Variants in MEP1B observed in about 807,000 individuals in gnomAD.
The protein encoded by MEP1B is meprin A subunit beta.
MEP1B carries 80 observed loss-of-function variants against 84.6 expected under a neutral mutation model. That is an observed-to-expected ratio of 0.95 (90% CI 0.79 to 1.14). The LOEUF (loss-of-function observed/expected upper bound fraction) is 1.14, where lower values mean the gene tolerates loss of function less well. MEP1B is among the 50% of genes most tolerant of loss of function. MEP1B has a pLI of 0.00. For missense variants in MEP1B, 766 were observed against 855.1 expected (o/e 0.90, Z 1.30); for synonymous variants, 273 against 288.1 (o/e 0.95, Z 0.53).
chr18:32,195,310 G>A, intron 4 of MEP1B, 97 bp from the exon 5 acceptor site: 1 of 735,284 alleles, frequency 1.4e-6, no homozygotes, highest in Non-Finnish European at 2.3e-6. Flanking sequence ...TGCGAACTGG[G>A]AGAGCTTTAA....
chr18:32,215,969 CATATATATATATATATATATATAT>C (rs10522884), intron 12 of MEP1B, among the ~76,000 whole-genome samples: 6,279 of 134,910 alleles, frequency 0.047, 206 homozygotes, highest in African/African-American at 0.069. Context: ...TACATATATG[CATATATATATATATATATATATAT>C]ATATATATAT....
Position 32,190,143 on chromosome 18 carries a change from C to G in MEP1B, c.63+10C>G, listed in dbSNP as rs866826136. 3.1e-6 allele frequency: 5 copies of G among 1,607,750 alleles called. No homozygotes were observed. The African/African-American group carries it at 5.4e-5, about 17-fold the overall frequency. ...CGTGATTTCTGGCTTGGTAAGGAAA[C>G]AGTATATAGAAGATAATTTAAAAAT... On this transcript the variant is annotated intron_variant, in intron 1 of 14. Coordinates refer to ENST00000269202, the MANE Select transcript of MEP1B (RefSeq NM_005925.3).
chr18:32,217,727 A>G, intron 13 of MEP1B, 34 bp from the exon 14 acceptor site: 10 of 1,554,246 alleles, frequency 6.4e-6, no homozygotes, highest in Non-Finnish European at 8.9e-6. Context: ...TTAGATATCA[A>G]CTAATAACTC....
Position 32,202,937 on chromosome 18 carries a change from C to T in MEP1B, c.295C>T (p.Arg99Cys), listed in dbSNP as rs373544871. Residue 99 changes from arginine (R) to cysteine (C), a missense_variant, in exon 6 of 15, where the codon CGC (arginine) becomes TGC (cysteine). Arg to Cys is a radical substitution (Grantham distance 180, BLOSUM62 -3). Coordinates refer to ENST00000269202, the MANE Select transcript of MEP1B (RefSeq NM_005925.3). ...TATCCTCAATGCATTTGAACGTTAT[C>T]GCCTTAAAACATGTATTGACTTTAA... Reference protein sequence around the residue: ...GVILNAFERYRLKTCIDFKPW... With the variant: ...GVILNAFERYCLKTCIDFKPW... The T allele has an allele frequency of 6.8e-6, 11 of 1,612,440 alleles. No homozygotes were observed. Among genetic ancestry groups the T allele is most frequent in the African/African-American group, 5.3e-5 (4 of 74,898 alleles).
At chr18:32,207,803 A>G (rs1474793454) in intron 8 of MEP1B, among the ~76,000 whole-genome samples, 1 of 152,246 alleles carries the variant, frequency 6.6e-6, no homozygotes, top group African/African-American at 2.4e-5. Context: ...TTGTAATATG[A>G]ATGGGATCAA....
chr18:32,191,670 TCAATTTAGCC>T (rs2040802851), intron 1 of MEP1B, among the ~76,000 whole-genome samples, 142 bp from the exon 2 acceptor site: 2 of 152,042 alleles, frequency 1.3e-5, no homozygotes, highest in South Asian at 4.1e-4. Context: ...ATCTTAAACT[TCAATTTAGCC>T]ATCCTAAATA....
chr18:32,217,964 A>G lies in MEP1B; in HGVS notation c.2090A>G (p.Asn697Ser), dbSNP rs764705897. 6.2e-6 allele frequency: 10 copies of G among 1,613,524 alleles called. No homozygotes were observed. Among genetic ancestry groups the G allele is most frequent in the African/African-American group, 1.3e-5 (1 of 74,936 alleles). The change falls in exon 14 of 15, where the codon AAT becomes AGT. Residue 697 changes from asparagine to serine, a missense_variant and splice_region_variant. Physicochemically the swap from Asn to Ser is conservative, Grantham distance 46. Transcript: ENST00000269202. ...SSNRPNLTPQNQHAF is the reference protein window; with the variant it reads ...SSNRPNLTPQSQHAF Reference sequence around the variant, plus strand: ...AATCGACCAAATTTGACTCCGCAAAATGTAAGTTGAGGCTGATGTTTGATT... The same window carrying G: ...AATCGACCAAATTTGACTCCGCAAAGTGTAAGTTGAGGCTGATGTTTGATT...
At chr18:32,192,861 C>T (rs2040816505) in intron 4 of MEP1B, 44 bp downstream of exon 4, 3 of 1,477,614 alleles carry the variant, frequency 2.0e-6, no homozygotes, top group African/African-American at 1.4e-5. Flanking sequence ...TTAACCACTG[C>T]AAGCCAAATT....
At chr18:32,198,098 A>G (rs1473616194) in intron 5 of MEP1B, among the ~76,000 whole-genome samples, 3 of 152,210 alleles carry the variant, frequency 2.0e-5, no homozygotes, top group Non-Finnish European at 2.9e-5. Flanking sequence ...GATGTGTTCA[A>G]AGAGCTATGG....
intron 12 of MEP1B, among the ~76,000 whole-genome samples, chr18:32,215,551 G>A (rs545639909): frequency 1.3e-5 from 2 of 152,294 alleles, no homozygotes; most frequent in South Asian, 2.1e-4. Context: ...TAGGCCGGGC[G>A]CAGTGGCTCA....
chr18:32,214,839 C>G (rs1322223429), intron 11 of MEP1B, among the ~76,000 whole-genome samples: 9 of 152,136 alleles, frequency 5.9e-5, no homozygotes, highest in Non-Finnish European at 1.0e-4. Context: ...ACCTAGGAAA[C>G]TTCTGGTACC....
In MEP1B at chr18:32,215,269, A is replaced by G; in HGVS notation, c.1759+8A>G. ...TCCTACTGACAGTGGAAGGTATGTCAATAAAAATAGTTTTATATAAACTAG... is the reference window on the plus strand; with the variant it reads ...TCCTACTGACAGTGGAAGGTATGTCGATAAAAATAGTTTTATATAAACTAG... On this transcript the variant is annotated splice_region_variant and intron_variant, in intron 12 of 14. Transcript: ENST00000269202. 1 of 1,546,622 alleles carries G rather than the reference A, an allele frequency of 6.5e-7. No homozygotes were observed. The highest frequency in any genetic ancestry group is 8.7e-7 in the Non-Finnish European group (1 of 1,148,784).
At chr18:32,215,969 CATATATATATATATATATATAT>C (rs10522884) in intron 12 of MEP1B, among the ~76,000 whole-genome samples, 2,106 of 134,970 alleles carry the variant, frequency 0.016, 50 homozygotes, top group African/African-American at 0.044. Context: ...TACATATATG[CATATATATATATATATATATAT>C]ATATATATAT....
intron 14 of MEP1B, among the ~76,000 whole-genome samples, chr18:32,218,738 T>C (rs1214003376): frequency 6.6e-6 from 1 of 152,008 alleles, no homozygotes; most frequent in Non-Finnish European, 1.5e-5. Flanking sequence ...AGGCACGTCC[T>C]GAATCGAGGG....
At chr18:32,219,483 G>A (rs189138324) in intron 14 of MEP1B, among the ~76,000 whole-genome samples, 1 of 152,264 alleles carries the variant, frequency 6.6e-6, no homozygotes, top group African/African-American at 2.4e-5. Flanking sequence ...CAACCTGATG[G>A]CAGCTGTGCC....
intron 6 of MEP1B, among the ~76,000 whole-genome samples, chr18:32,203,472 C>T (rs999443872): frequency 2.0e-5 from 3 of 152,122 alleles, no homozygotes; most frequent in South Asian, 4.1e-4. Context: ...ACAGGCATAA[C>T]GAGGAGCTCA....
At chr18:32,202,110 C>T (rs1444441002) in intron 5 of MEP1B, among the ~76,000 whole-genome samples, 1 of 152,162 alleles carries the variant, frequency 6.6e-6, no homozygotes, top group Non-Finnish European at 1.5e-5. Flanking sequence ...TAGGGAAGAA[C>T]TTAGGTGTGT....
chr18:32,197,488 C>T (rs1482065659), intron 5 of MEP1B, among the ~76,000 whole-genome samples: 3 of 148,942 alleles, frequency 2.0e-5, no homozygotes, highest in Non-Finnish European at 3.0e-5. Flanking sequence ...GGCATAATCT[C>T]GGCTCACTGC....
intron 5 of MEP1B, among the ~76,000 whole-genome samples, chr18:32,202,194 G>A (rs772063691): frequency 1.1e-4 from 17 of 152,250 alleles, no homozygotes; most frequent in African/African-American, 2.6e-4. Flanking sequence ...CATCTTTCAC[G>A]TCACTAGGAC....
Sources: gnomAD v4.1 joint callset for allele counts (sites outside exome capture counted in the v4.1 genomes callset) on GRCh38, gnomAD v4.1.1 for gene constraint, MANE v1.5 for transcripts, NCBI Gene and HGNC (gene_info 2026-07-23, HGNC 2026-07-21) for gene names.